Variants in MLN observed in about 807,000 individuals in gnomAD.
MLN encodes promotilin.
A neutral mutation model predicts 13.3 loss-of-function variants in MLN; 14 were observed. That is an observed-to-expected ratio of 1.05 (90% confidence interval 0.69 to 1.64). MLN has a LOEUF of 1.64. Ranked by LOEUF, MLN falls within the 40% of genes most tolerant of loss-of-function variation. The pLI is 0.00. For missense variants in MLN, 122 were observed against 142.9 expected (o/e 0.85, Z 0.75); for synonymous variants, 59 against 54.7 (o/e 1.08, Z -0.34).
chr6:33,796,485 G>A (rs1031317646), intron 3 of MLN, among the ~76,000 whole-genome samples: 1 of 151,250 alleles, frequency 6.6e-6, no homozygotes, highest in Non-Finnish European at 1.5e-5. Context: ...CCCCGTCCCC[G>A]CTCCGCAGAG....
At position 33,801,095 on chromosome 6, in the gene MLN, C is replaced by T. The variant is rs200908170; in HGVS notation, c.69G>A (p.Thr23=). The change falls in exon 2 of 5, where the codon ACG becomes ACA. Residue 23 remains threonine, a synonymous_variant. Coordinates refer to ENST00000430124, the MANE Select transcript of MLN (RefSeq NM_002418.3). ...AGGTGAAGATGGGGACGAAGGCTTCCGTCTGGGAGGCCAGCATGGCAGCTA... is the reference window on the plus strand; with the variant it reads ...AGGTGAAGATGGGGACGAAGGCTTCTGTCTGGGAGGCCAGCATGGCAGCTA... The part of the protein sequence containing the change: ...VHVAAMLASQ[T]EAFVPIFTYG... 9.4e-5 allele frequency: 152 copies of T among 1,614,096 alleles called. No individual in the cohort carries two copies. The highest frequency in any genetic ancestry group is 9.9e-5 in the South Asian group (9 of 91,078).
intron 1 of MLN, among the ~76,000 whole-genome samples, chr6:33,802,594 C>T (rs1049948899): frequency 1.3e-5 from 2 of 152,210 alleles, no homozygotes; most frequent in Non-Finnish European, 2.9e-5. Context: ...TATTCCAGCT[C>T]TCTCTTCTTC....
chr6:33,802,633 CA>C (rs1324322765), intron 1 of MLN, among the ~76,000 whole-genome samples: 2 of 152,184 alleles, frequency 1.3e-5, no homozygotes, highest in Non-Finnish European at 2.9e-5. Flanking sequence ...CCATTTTGTT[CA>C]AACTCCATGA....
chr6:33,795,471 C>T (rs754117736), intron 4 of MLN, 32 bp downstream of exon 4: 35 of 1,531,904 alleles, frequency 2.3e-5, no homozygotes, highest in Non-Finnish European at 3.0e-5. Context: ...CGGAGGCCGG[C>T]CAAGCCACAG....
chr6:33,799,036 C>T lies in MLN; in HGVS notation c.234+69G>A, dbSNP rs1267777662. The T allele has an allele frequency of 6.9e-6, 8 of 1,160,200 alleles. No homozygotes were observed. The highest frequency in any genetic ancestry group is 1.0e-5 in the Non-Finnish European group (8 of 787,542). The allele number at this position is 1,160,200 out of a possible 1,614,324, so 71.9% of individuals were successfully genotyped here. On this transcript the variant is annotated intron_variant, in intron 3 of 4. Transcript: ENST00000430124. The surrounding 1 kb of genome is among the most constrained non-coding windows in gnomAD (Gnocchi z 4.6). ...GCTCACTGTGGCTTGTGGGCTCTGC[C>T]TCCAGGCCAGGCAGGGGAATGCATG...
chr6:33,801,018 T>C, intron 2 of MLN, 29 bp downstream of exon 2: 1 of 1,544,082 alleles, frequency 6.5e-7, no homozygotes. Context: ...TCAGCCTTGC[T>C]AGCAGGGCAG....
At chr6:33,795,107 G>T (rs192486655) in intron 4 of MLN, among the ~76,000 whole-genome samples, 2 of 152,368 alleles carry the variant, frequency 1.3e-5, no homozygotes, top group Admixed American at 1.3e-4. Context: ...TGTCAGAGGA[G>T]ATGTAGCTTT....
At chr6:33,800,946 G>A (rs1474070730) in intron 2 of MLN, 101 bp downstream of exon 2, 4 of 895,090 alleles carry the variant, frequency 4.5e-6, no homozygotes, top group East Asian at 4.9e-5. Flanking sequence ...GGAACTGGGG[G>A]TTATCTTGGG....
intron 1 of MLN, among the ~76,000 whole-genome samples, chr6:33,802,193 G>GA (rs1760849841): frequency 6.6e-6 from 1 of 152,182 alleles, no homozygotes; most frequent in Non-Finnish European, 1.5e-5. Flanking sequence ...TCTGCCCATA[G>GA]TAGGCAGAGG....
At chr6:33,794,899 A>C in intron 4 of MLN, 64 bp from the exon 5 acceptor site, 1 of 1,596,380 alleles carries the variant, frequency 6.3e-7, no homozygotes, top group Non-Finnish European at 8.5e-7. Context: ...ACTGCCCTCT[A>C]AAACTTGCCT....
At chr6:33,797,090 T>G (rs7764324) in intron 3 of MLN, among the ~76,000 whole-genome samples, 265 of 152,310 alleles carry the variant, frequency 1.7e-3, no homozygotes, top group African/African-American at 6.1e-3. Flanking sequence ...GCACCCAGGT[T>G]GTTTTCTGGG....
At chr6:33,795,074 A>G (rs998860581) in intron 4 of MLN, among the ~76,000 whole-genome samples, 5 of 152,174 alleles carry the variant, frequency 3.3e-5, no homozygotes, top group Non-Finnish European at 5.9e-5. Context: ...CCTGGGGACT[A>G]TGAGAAGTAA....
chr6:33,801,233 G>A lies in MLN; in HGVS notation c.-7-63C>T, dbSNP rs1382505925. The A allele has an allele frequency of 5.6e-6, 7 of 1,239,842 alleles. No individual in the cohort carries two copies. In the African/African-American group the frequency reaches 7.4e-5, roughly 13 times the overall value. 76.8% of individuals were successfully genotyped at this position (1,239,842 alleles called of 1,614,324 possible). A position where few individuals can be genotyped will look rare whatever the true frequency, so the allele number is the denominator to read the frequency against. ...GGTACAGTGGCAGACTGCTGTGTCC[G>A]AGGCAGGGGCCCTCAGTTCTGGCCC... On this transcript the variant is annotated intron_variant, in intron 1 of 4. Coordinates refer to ENST00000430124, the MANE Select transcript of MLN (RefSeq NM_002418.3).
chr6:33,797,224 C>T (rs1363687143), intron 3 of MLN, among the ~76,000 whole-genome samples: 1 of 152,324 alleles, frequency 6.6e-6, no homozygotes, highest in Non-Finnish European at 1.5e-5. Flanking sequence ...TCAGTCTTCT[C>T]GCCCCTCAGG....
chr6:33,800,719 C>T (rs1158974235), intron 2 of MLN, among the ~76,000 whole-genome samples: 1 of 152,246 alleles, frequency 6.6e-6, no homozygotes, highest in Non-Finnish European at 1.5e-5. Context: ...AGCCTTCTCC[C>T]TGGAGATGGG....
rs777299265 is a variant in MLN, at chr6:33,795,490, G to A, written c.337+13C>T. 23 of 1,551,508 alleles carry A rather than the reference G, an allele frequency of 1.5e-5. No individual in the cohort carries two copies. Among genetic ancestry groups the A allele is most frequent in the Non-Finnish European group, 1.7e-5 (20 of 1,145,748 alleles). On this transcript the variant is annotated intron_variant, in intron 4 of 4. Coordinates refer to ENST00000430124, the MANE Select transcript of MLN (RefSeq NM_002418.3). ...GGCCGGCCAAGCCACAGAGATGCCC[G>A]CCCTCCCCGTACCATGCTGGGGAAG...
At position 33,795,959 on chromosome 6, in the gene MLN, C is replaced by CTT. The variant is rs5875463; in HGVS notation, c.235-356_235-355dup. On this transcript the variant is annotated intron_variant, in intron 3 of 4. Transcript: ENST00000430124. ...TGTGGAGTCTTACCCTTATTCTAAG[C>CTT]TTTTTTTTTTTTTTTTTTGAGACGG... Among the ~76,000 whole-genome samples, 396 of 121,738 alleles carry CTT rather than the reference C, an allele frequency of 3.3e-3. 4 individuals carry two copies. The highest frequency in any genetic ancestry group is 8.6e-3 in the African/African-American group (281 of 32,668). The allele number at this position is 121,738 out of a possible 152,430, so 79.9% of individuals were successfully genotyped here.
intron 3 of MLN, among the ~76,000 whole-genome samples, chr6:33,795,920 A>G (rs1767906699): frequency 6.7e-6 from 1 of 149,760 alleles, no homozygotes; most frequent in Non-Finnish European, 1.5e-5. Flanking sequence ...CACCTCAACA[A>G]TTATAGCCAA....
chr6:33,796,020 C>T (rs924517858), intron 3 of MLN, among the ~76,000 whole-genome samples: 1 of 142,868 alleles, frequency 7.0e-6, no homozygotes, highest in African/African-American at 2.6e-5. Context: ...AGTGCAGTGG[C>T]GCGATCTCGG....
Sources: gnomAD v4.1 joint callset for allele counts (sites outside exome capture counted in the v4.1 genomes callset) on GRCh38, gnomAD v4.1.1 for gene constraint, Gnocchi (gnomAD v3.1) non-coding constraint, MANE v1.5 for transcripts, NCBI Gene and HGNC (gene_info 2026-07-23, HGNC 2026-07-21) for gene names.